The following STOML3 variants were observed in gnomAD, a reference collection of about 807,000 sequenced individuals.
The protein encoded by STOML3 is stomatin-like protein 3.
A neutral mutation model predicts 29.5 loss-of-function variants in STOML3; 31 were observed. The ratio of observed to expected loss-of-function variants is 1.05; its 90% confidence interval spans 0.79 to 1.42. The LOEUF (loss-of-function observed/expected upper bound fraction) is 1.42. STOML3 is among the 40% of genes most tolerant of loss of function. The pLI is 0.00. For missense variants in STOML3, 380 were observed against 363.0 expected (o/e 1.05, Z -0.38); for synonymous variants, 122 against 139.8 (o/e 0.87, Z 0.90).
chr13:38,985,965 C>T (rs1321855269), intron 1 of STOML3, among the ~76,000 whole-genome samples: 10 of 111,490 alleles, frequency 9.0e-5, no homozygotes, highest in Middle Eastern at 7.6e-3. Context: ...TTTCCCCCAG[C>T]GGCTATTTCT....
Position 38,988,612 on chromosome 13 carries a change from ATT to A in STOML3, c.52+2056_52+2057del, listed in dbSNP as rs1486751256. On this transcript the variant is annotated intron_variant, in intron 1 of 6. Coordinates refer to ENST00000379631, the MANE Select transcript of STOML3 (RefSeq NM_145286.3). Reference sequence around the variant, plus strand: ...ATATATAATATATTATATATCATATATTTTATATATAATATATTATATTTTAT... The same window carrying A: ...ATATATAATATATTATATATCATATATTATATATAATATATTATATTTTAT... 4.6e-4 allele frequency among the ~76,000 whole-genome samples: 56 copies of A among 121,906 alleles called. 1 individual carries two copies. In the South Asian group the frequency reaches 0.013, roughly 29 times the overall value. The allele number at this position is 121,906 out of a possible 152,430, so 80.0% of individuals were successfully genotyped here. A position where few individuals can be genotyped will look rare whatever the true frequency, so the allele number is the denominator to read the frequency against.
intron 3 of STOML3, among the ~76,000 whole-genome samples, chr13:38,975,547 A>G (rs1881043532): frequency 6.6e-6 from 1 of 152,134 alleles, no homozygotes; most frequent in Non-Finnish European, 1.5e-5. Flanking sequence ...GGGGGCAGAA[A>G]GCAAATGTTA....
At chr13:38,980,152 AAG>A in intron 1 of STOML3, 1 of 1,549,318 alleles carries the variant, frequency 6.5e-7, no homozygotes, top group Non-Finnish European at 8.7e-7. Flanking sequence ...GAGACAAGAG[AAG>A]AGAATGTGAC....
chr13:38,988,445 T>C (rs9706666), intron 1 of STOML3, among the ~76,000 whole-genome samples: 1 of 12,082 alleles, frequency 8.3e-5, no homozygotes, highest in Non-Finnish European at 2.7e-4. Flanking sequence ...TAAAATATAT[T>C]ATATTTTATA....
intron 1 of STOML3, among the ~76,000 whole-genome samples, chr13:38,982,188 G>A (rs538751848): frequency 5.3e-5 from 8 of 151,656 alleles, no homozygotes; most frequent in Admixed American, 2.6e-4. Flanking sequence ...AATTTTAGAC[G>A]GGCTTCTTCC....
chr13:38,977,057 T>A (rs569105002), intron 1 of STOML3, among the ~76,000 whole-genome samples: 1 of 152,362 alleles, frequency 6.6e-6, no homozygotes, highest in African/African-American at 2.4e-5. Context: ...TATTATTACA[T>A]TTTATAGGGC....
At chr13:38,970,072 G>T in intron 5 of STOML3, 113 bp downstream of exon 5, 1 of 894,334 alleles carries the variant, frequency 1.1e-6, no homozygotes, top group Non-Finnish European at 1.7e-6. Flanking sequence ...GTGTGTGAGT[G>T]TGTGCAAGCA....
At position 38,966,779 on chromosome 13, in the gene STOML3, A is replaced by G; in HGVS notation, c.*46T>C. ...TTCTAACTACTGGCTTCTCCATAGG[A>G]ATAGACACCACTCTCTATGCAATAG... is the stretch of plus-strand genomic sequence containing the variant. On this transcript the variant is annotated 3_prime_UTR_variant, in exon 7 of 7. Coordinates refer to ENST00000379631, the MANE Select transcript of STOML3 (RefSeq NM_145286.3). 1 of 1,507,330 alleles carries G rather than the reference A, an allele frequency of 6.6e-7. No individual in the cohort carries two copies. Among genetic ancestry groups the G allele is most frequent in the Non-Finnish European group, 9.2e-7 (1 of 1,086,668 alleles). The allele number at this position is 1,507,330 out of a possible 1,614,324, so 93.4% of individuals were successfully genotyped here.
rs143777086 is a variant in STOML3, at chr13:38,982,301, TTC to T, written c.53-5506_53-5505del. On this transcript the variant is annotated intron_variant, in intron 1 of 6. Transcript: ENST00000379631. Reference sequence around the variant, plus strand: ...ACAAAAACAAAATTGTCATTATAAATTCTTTTTTCTTTGTTTTTAAAATATGT... The same window carrying T: ...ACAAAAACAAAATTGTCATTATAAATTTTTTTCTTTGTTTTTAAAATATGT... Among the ~76,000 whole-genome samples the T allele has an allele frequency of 4.0e-3, 609 of 152,160 alleles. 3 individuals carry two copies. Among genetic ancestry groups the T allele is most frequent in the African/African-American group, 0.014 (581 of 41,542 alleles).
intron 3 of STOML3, among the ~76,000 whole-genome samples, chr13:38,976,170 C>T (rs1007819060): frequency 6.6e-6 from 1 of 152,158 alleles, no homozygotes; most frequent in Non-Finnish European, 1.5e-5. Context: ...ATATACTCTC[C>T]TTGAGTAACT....
intron 1 of STOML3, among the ~76,000 whole-genome samples, chr13:38,979,333 T>C (rs1346558023): frequency 6.6e-6 from 1 of 152,172 alleles, no homozygotes; most frequent in Admixed American, 6.5e-5. Flanking sequence ...CCTATAGATA[T>C]ACATTCTCAT....
chr13:38,986,201 A>T (rs570431759), intron 1 of STOML3, among the ~76,000 whole-genome samples: 110 of 150,692 alleles, frequency 7.3e-4, no homozygotes, highest in African/African-American at 2.5e-3. Flanking sequence ...CACCCAGCTA[A>T]TTTTTTTATT....
rs1170255560 is a variant in STOML3 at position 38,981,042 on chromosome 13, A to C, written c.53-4245T>G. Among the ~76,000 whole-genome samples, 4 of 152,200 alleles carry C rather than the reference A, an allele frequency of 2.6e-5. No individual in the cohort carries two copies. In the East Asian group the frequency reaches 7.7e-4, roughly 29 times the overall value. The stretch of plus-strand genomic sequence containing the variant: ...AAAGAAAAAGGTAGAGCCATCAGCT[A>C]TGGAAGCTGAGGCCCAGAGCCACTG... On this transcript the variant is annotated intron_variant, in intron 1 of 6. Transcript: ENST00000379631.
chr13:38,986,807 C>G (rs1475974734), intron 1 of STOML3, among the ~76,000 whole-genome samples: 1 of 152,128 alleles, frequency 6.6e-6, no homozygotes, highest in East Asian at 1.9e-4. Flanking sequence ...GCTAAACCAG[C>G]TCACAGGAGC....
chr13:38,978,577 A>C (rs1881173537), intron 1 of STOML3, among the ~76,000 whole-genome samples: 1 of 152,094 alleles, frequency 6.6e-6, no homozygotes, highest in Admixed American at 6.6e-5. Context: ...CTAGGACTAG[A>C]TATCCCCAGC....
intron 1 of STOML3, among the ~76,000 whole-genome samples, chr13:38,981,267 C>A (rs1881259528): frequency 6.6e-6 from 1 of 152,106 alleles, no homozygotes; most frequent in South Asian, 2.1e-4. Context: ...GGGAGTGAGG[C>A]AAAGCCAAGG....
At chr13:38,989,446 T>C (rs933726270) in intron 1 of STOML3, among the ~76,000 whole-genome samples, 1 of 152,150 alleles carries the variant, frequency 6.6e-6, no homozygotes, top group Non-Finnish European at 1.5e-5. Context: ...AAAAGTTTCT[T>C]TTCCAATTCA....
chr13:38,976,570 G>C lies in STOML3; in HGVS notation c.199C>G (p.Arg67Gly). 6.2e-7 allele frequency: 1 copy of C among 1,614,138 alleles called. No homozygotes were observed. Among genetic ancestry groups the C allele is most frequent in the Non-Finnish European group, 8.5e-7 (1 of 1,180,042 alleles). ...YERAVVFRLGRIQADKAKGPG... is the reference protein window; with the variant it reads ...YERAVVFRLGGIQADKAKGPG... Reference sequence around the variant, plus strand: ...CCCTTGGCTTTGTCAGCTTGGATGCGTCCCAGACGGAATACAACAGCACGT... The same window carrying C: ...CCCTTGGCTTTGTCAGCTTGGATGCCTCCCAGACGGAATACAACAGCACGT... Residue 67 changes from arginine to glycine, a missense_variant, in exon 3 of 7, where the codon CGC becomes GGC. Arg to Gly is a moderately radical substitution (Grantham distance 125). Transcript: ENST00000379631.
intron 4 of STOML3, among the ~76,000 whole-genome samples, chr13:38,970,910 G>C (rs1383931223): frequency 1.3e-5 from 2 of 152,092 alleles, no homozygotes; most frequent in Non-Finnish European, 2.9e-5. Context: ...AGGATGTTTT[G>C]GAGCAAATGA....
Sources: gnomAD v4.1 joint callset for allele counts (sites outside exome capture counted in the v4.1 genomes callset) on GRCh38, gnomAD v4.1.1 for gene constraint, MANE v1.5 for transcripts, NCBI Gene and HGNC (gene_info 2026-07-23, HGNC 2026-07-21) for gene names.